Variants in GMDS observed in about 807,000 individuals in gnomAD.
GMDS encodes GDP-mannose 4,6-dehydratase.
GMDS carries 20 observed loss-of-function variants against 49.9 expected under a neutral mutation model. The observed-to-expected ratio is 0.40, with a 90% CI of 0.28 to 0.58. The LOEUF is 0.58. GMDS is among the 20% of genes least tolerant of loss of function. The pLI is 0.42. For missense variants in GMDS, 362 were observed against 481.4 expected, an observed-to-expected ratio of 0.75 and a Z score of 2.32; for synonymous variants, 177 against 178.6, an observed-to-expected ratio of 0.99 and a Z score of 0.07.
In GMDS at chr6:2,245,527, C is replaced by T. The variant is rs965568024; in HGVS notation, c.-105G>A. On this transcript the variant is annotated 5_prime_UTR_variant, in exon 1 of 11. Coordinates refer to ENST00000380815, the MANE Select transcript of GMDS (RefSeq NM_001500.4). Reference sequence around the variant, plus strand: ...GTGCAGCACGAAGCGCCTCTCCAGGCTGCGGGCAGGGAGGGAGAGCGCACC... The same window carrying T: ...GTGCAGCACGAAGCGCCTCTCCAGGTTGCGGGCAGGGAGGGAGAGCGCACC... 3 of 563,040 alleles carry T rather than the reference C, an allele frequency of 5.3e-6. No individual in the cohort carries two copies. The highest frequency in any genetic ancestry group is 2.0e-5 in the African/African-American group (1 of 50,122). 34.9% of individuals were successfully genotyped at this position (563,040 alleles called of 1,614,324 possible).
intron 9 of GMDS, among the ~76,000 whole-genome samples, chr6:1,706,146 C>T (rs952645165): frequency 6.6e-6 from 1 of 152,032 alleles, no homozygotes; most frequent in African/African-American, 2.4e-5. Context: ...TCATTCATTT[C>T]GATTCTCAAG....
intron 9 of GMDS, among the ~76,000 whole-genome samples, chr6:1,673,862 G>C (rs555339525): frequency 6.6e-6 from 1 of 151,898 alleles, no homozygotes; most frequent in Non-Finnish European, 1.5e-5. Flanking sequence ...GCCTTTCATG[G>C]CTTGATAGCT....
At chr6:1,670,394 T>G (rs1764382547) in intron 9 of GMDS, among the ~76,000 whole-genome samples, 1 of 150,512 alleles carries the variant, frequency 6.6e-6, no homozygotes. Flanking sequence ...TCACCTGCAC[T>G]AAAAATGAGG....
intron 7 of GMDS, among the ~76,000 whole-genome samples, chr6:1,761,323 C>T (rs762843720): frequency 6.6e-5 from 10 of 152,052 alleles, no homozygotes; most frequent in Non-Finnish European, 1.0e-4. Flanking sequence ...TTTAACTTAT[C>T]GAGTATTTGA....
At chr6:2,050,403 A>G (rs1233583914) in intron 4 of GMDS, among the ~76,000 whole-genome samples, 1 of 152,206 alleles carries the variant, frequency 6.6e-6, no homozygotes, top group Non-Finnish European at 1.5e-5. Flanking sequence ...ACCAACCAAA[A>G]AAAGTCCAGG....
Position 2,008,386 on chromosome 6 carries a change from C to A in GMDS, c.346-47420G>T, listed in dbSNP as rs114157926. The stretch of plus-strand genomic sequence containing the variant: ...ATACTTGTCACACTTACATATGATG[C>A]GTTTTTCTTCACTGACTGTGGAGTT... On this transcript the variant is annotated intron_variant, in intron 4 of 10. Transcript: ENST00000380815. Among the ~76,000 whole-genome samples, 860 of 152,244 alleles carry A rather than the reference C, an allele frequency of 5.6e-3. 6 individuals carry two copies. Among genetic ancestry groups the A allele is most frequent in the African/African-American group, 0.019 (804 of 41,550 alleles).
chr6:2,167,422 G>T (rs1330399211), intron 1 of GMDS, among the ~76,000 whole-genome samples: 1 of 152,032 alleles, frequency 6.6e-6, no homozygotes, highest in Non-Finnish European at 1.5e-5. Flanking sequence ...CATCACACCT[G>T]CAGTTTCATT....
At chr6:2,196,808 G>A (rs1393025461) in intron 1 of GMDS, among the ~76,000 whole-genome samples, 2 of 146,932 alleles carry the variant, frequency 1.4e-5, no homozygotes, top group Non-Finnish European at 2.9e-5. Context: ...TCAAATTAGG[G>A]ACTCTTGGGG....
chr6:1,643,588 C>T (rs1033476472), intron 9 of GMDS, among the ~76,000 whole-genome samples: 3 of 152,004 alleles, frequency 2.0e-5, no homozygotes, highest in Admixed American at 1.3e-4. Context: ...GTGGGGACAG[C>T]GGAAGTTCAG....
At chr6:1,887,946 TTTTTG>T (rs915849512) in intron 7 of GMDS, among the ~76,000 whole-genome samples, 6 of 152,080 alleles carry the variant, frequency 3.9e-5, no homozygotes, top group African/African-American at 7.2e-5. Flanking sequence ...TTTTTAGGTT[TTTTTG>T]TTTTGTTTTG....
chr6:1,675,941 C>T (rs1277245205), intron 9 of GMDS, among the ~76,000 whole-genome samples: 1 of 151,834 alleles, frequency 6.6e-6, no homozygotes, highest in Non-Finnish European at 1.5e-5. Flanking sequence ...CACCTCTACA[C>T]AAATAAACTA....
intron 6 of GMDS, among the ~76,000 whole-genome samples, chr6:1,948,668 A>G (rs946227898): frequency 6.6e-6 from 1 of 152,138 alleles, no homozygotes; most frequent in Non-Finnish European, 1.5e-5. Flanking sequence ...TCTCTATTAA[A>G]AAAAAAATAC....
chr6:1,692,818 T>A (rs530700366), intron 9 of GMDS, among the ~76,000 whole-genome samples: 1 of 152,256 alleles, frequency 6.6e-6, no homozygotes, highest in Non-Finnish European at 1.5e-5. Flanking sequence ...TAGTTTAACA[T>A]CTCTACTGCT....
chr6:1,993,950 C>T (rs549785391), intron 4 of GMDS, among the ~76,000 whole-genome samples: 7 of 152,316 alleles, frequency 4.6e-5, no homozygotes, highest in Admixed American at 4.6e-4. Context: ...CCTCTGCTCA[C>T]CCACTCCACA....
intron 9 of GMDS, among the ~76,000 whole-genome samples, chr6:1,628,988 C>T (rs1026228403): frequency 6.6e-6 from 1 of 152,176 alleles, no homozygotes; most frequent in African/African-American, 2.4e-5. Context: ...GAAAGCTTGA[C>T]TCTTGGGGCA....
At chr6:1,958,909 T>C (rs938145527) in intron 6 of GMDS, among the ~76,000 whole-genome samples, 9 of 152,238 alleles carry the variant, frequency 5.9e-5, no homozygotes, top group East Asian at 3.8e-4. Flanking sequence ...CATGCTTCAG[T>C]AAATCAGAAG....
chr6:1,886,702 A>C (rs1276460940), intron 7 of GMDS, among the ~76,000 whole-genome samples: 1 of 152,198 alleles, frequency 6.6e-6, no homozygotes, highest in Non-Finnish European at 1.5e-5. Context: ...CAAACACTAA[A>C]GTTTCTGTGT....
chr6:2,072,206 A>C (rs1772054911), intron 4 of GMDS, among the ~76,000 whole-genome samples: 1 of 152,164 alleles, frequency 6.6e-6, no homozygotes, highest in South Asian at 2.1e-4. Context: ...AGCCACTATT[A>C]ATTTACATTT....
chr6:2,064,915 G>C (rs1771448699), intron 4 of GMDS, among the ~76,000 whole-genome samples: 1 of 152,164 alleles, frequency 6.6e-6, no homozygotes, highest in South Asian at 2.1e-4. Context: ...GGATAAGGAA[G>C]CTGGGAACAA....
Sources: allele counts gnomAD v4.1 joint callset (sites outside exome capture counted in the v4.1 genomes callset), GRCh38; gene constraint gnomAD v4.1.1; transcripts MANE v1.5; gene names NCBI Gene and HGNC (gene_info 2026-07-23, HGNC 2026-07-21).